Variants in OTOG observed in about 807,000 individuals in gnomAD.
OTOG encodes otogelin.
In OTOG, 296 loss-of-function variants were observed where a neutral mutation model predicts 313.8. The observed-to-expected ratio is 0.94, with a 90% confidence interval of 0.86 to 1.04. The LOEUF is 1.04. Among genes scored for constraint, OTOG ranks in the 50% least tolerant of loss-of-function variants. OTOG has a pLI of 0.00. For missense variants in OTOG, 3,948 were observed against 3,840.1 expected (o/e 1.03, Z -0.74); for synonymous variants, 1,533 against 1,554.9 (o/e 0.99, Z 0.33).
chr11:17,610,968 G>A lies in OTOG; in HGVS notation c.5668G>A (p.Val1890Met), dbSNP rs1490743815. The A allele has an allele frequency of 1.1e-5, 17 of 1,550,498 alleles. No individual in the cohort carries two copies. The highest frequency in any genetic ancestry group is 1.5e-5 in the Non-Finnish European group (17 of 1,147,032). Reference protein sequence around the residue: ...ATLPTSGVLPVAEGTASMVSV... With the variant: ...ATLPTSGVLPMAEGTASMVSV... ...ATTGCCAACCTCTGGAGTCCTGCCT[G>A]TGGCTGAGGGCACGGCCTCCATGGT... The change falls in exon 36 of 56, where the codon GTG becomes ATG. Residue 1890 changes from valine to methionine, a missense_variant. By Grantham distance (21) the Val-to-Met change is conservative. Transcript: ENST00000399397.
At chr11:17,636,581 C>T (rs764977636) in intron 47 of OTOG, among the ~76,000 whole-genome samples, 7 of 152,174 alleles carry the variant, frequency 4.6e-5, no homozygotes, top group Non-Finnish European at 1.0e-4. Context: ...GCCCAGATGA[C>T]CTGGCCGCAC....
chr11:17,644,157 G>A (rs1307586623), intron 54 of OTOG, among the ~76,000 whole-genome samples: 1 of 152,252 alleles, frequency 6.6e-6, no homozygotes, highest in African/African-American at 2.4e-5. Flanking sequence ...GTATCCCCTG[G>A]GCTTGCATGG....
intron 22 of OTOG, 43 bp downstream of exon 22, chr11:17,576,954 A>C (rs1180743073): frequency 6.5e-7 from 1 of 1,533,242 alleles, no homozygotes; most frequent in South Asian, 1.2e-5. Flanking sequence ...GGGGCTCCAC[A>C]TGGTAAAGGA....
In OTOG at chr11:17,645,272, T is replaced by G. The variant is rs557082828; in HGVS notation, c.8462-292T>G. 1.6e-4 allele frequency among the ~76,000 whole-genome samples: 24 copies of G among 152,322 alleles called. No homozygotes were observed. The East Asian group carries it at 3.3e-3, about 21-fold the overall frequency. On this transcript the variant is annotated intron_variant, in intron 54 of 55. Transcript: ENST00000399397. Reference sequence around the variant, plus strand: ...TTAGGGCTGGGGTGGGGAGGCAGCCTCACTCTGTCCCCAGATGCTTCTCTG... The same window carrying G: ...TTAGGGCTGGGGTGGGGAGGCAGCCGCACTCTGTCCCCAGATGCTTCTCTG...
In OTOG at chr11:17,569,263, C is replaced by CAAGA. The variant is rs779460256; in HGVS notation, c.1753_1756dup (p.Ile586LysfsTer9). ...GGGATGTCCTTCTGTTTGACCAGTACAAGATCATCCCGCCATACACAGATG... is the reference window on the plus strand; with the variant it reads ...GGGATGTCCTTCTGTTTGACCAGTACAAGAAAGATCATCCCGCCATACACAGATG... On this transcript the variant is annotated frameshift_variant, in exon 16 of 56. Coordinates refer to ENST00000399397, the MANE Select transcript of OTOG (RefSeq NM_001292063.2). LOFTEE classifies it high-confidence loss of function. The CAAGA allele has an allele frequency of 1.3e-6, 2 of 1,550,578 alleles. No individual in the cohort carries two copies. Among genetic ancestry groups the CAAGA allele is most frequent in the South Asian group, 2.4e-5 (2 of 84,058 alleles).
At chr11:17,622,382 TTATA>T (rs1853886217) in intron 39 of OTOG, among the ~76,000 whole-genome samples, 1 of 152,220 alleles carries the variant, frequency 6.6e-6, no homozygotes, top group Admixed American at 6.5e-5. Flanking sequence ...AACAATCTAA[TTATA>T]TACTCATTTA....
intron 7 of OTOG, 30 bp from the exon 8 acceptor site, chr11:17,557,088 T>C: frequency 1.3e-6 from 2 of 1,543,510 alleles, no homozygotes; most frequent in Non-Finnish European, 1.7e-6. Flanking sequence ...GTGTTGTGGA[T>C]ACCCTGAAGC....
intron 47 of OTOG, among the ~76,000 whole-genome samples, chr11:17,637,453 T>A (rs148790903): frequency 3.3e-5 from 5 of 152,122 alleles, no homozygotes; most frequent in Non-Finnish European, 7.4e-5. Context: ...CTGCAGAGAG[T>A]TCCCGCTTCT....
chr11:17,639,154 A>G (rs747298461), intron 48 of OTOG, among the ~76,000 whole-genome samples: 1 of 152,212 alleles, frequency 6.6e-6, no homozygotes, highest in Non-Finnish European at 1.5e-5. Context: ...CCATCTGCCT[A>G]TTTATCCTTG....
At chr11:17,588,863 TTCTG>T (rs375814971) in intron 24 of OTOG, among the ~76,000 whole-genome samples, 55 of 152,132 alleles carry the variant, frequency 3.6e-4, no homozygotes, top group African/African-American at 1.2e-3. Context: ...TCACCTCACC[TTCTG>T]TCTTTCTACT....
intron 39 of OTOG, among the ~76,000 whole-genome samples, chr11:17,623,223 T>C (rs1853906766): frequency 1.3e-5 from 2 of 152,174 alleles, no homozygotes; most frequent in Admixed American, 6.5e-5. Flanking sequence ...CAGGAGTTTG[T>C]TGTACAGATT....
intron 28 of OTOG, among the ~76,000 whole-genome samples, chr11:17,595,277 C>A (rs79334902): frequency 0.012 from 1,837 of 152,300 alleles, 25 homozygotes; most frequent in African/African-American, 0.04. Context: ...TCTCCCCACA[C>A]CCCCATGTAC....
Position 17,574,173 on chromosome 11 carries a change from T to G in OTOG, c.2294-547T>G, listed in dbSNP as rs563889609. ...CTGGATCCCACAGAGTGTAGGAGAC[T>G]CTGGGGGGAGTGGGATGCTGGCCAC... is the stretch of plus-strand genomic sequence containing the variant. On this transcript the variant is annotated intron_variant, in intron 19 of 55. Coordinates refer to ENST00000399397, the MANE Select transcript of OTOG (RefSeq NM_001292063.2). Among the ~76,000 whole-genome samples the G allele has an allele frequency of 2.4e-4, 36 of 152,228 alleles. No individual in the cohort carries two copies. In the East Asian group the frequency reaches 6.8e-3, roughly 29 times the overall value.
intron 49 of OTOG, 32 bp from the exon 50 acceptor site, chr11:17,640,688 TCCTGAGGGCCAGGCTGGCCCCCAAC>T: frequency 6.6e-7 from 1 of 1,513,466 alleles, no homozygotes; most frequent in Non-Finnish European, 8.9e-7. Flanking sequence ...GGCAGACTGC[TCCTGAGGGCCAGGCTGGCCCCCAAC>T]CCAGGGTGCT....
chr11:17,576,888 T>A lies in OTOG; in HGVS notation c.2582T>A (p.Met861Lys). 1 of 1,549,526 alleles carries A rather than the reference T, an allele frequency of 6.5e-7. No individual in the cohort carries two copies. Among genetic ancestry groups the A allele is most frequent in the Non-Finnish European group, 8.7e-7 (1 of 1,146,122 alleles). ...TGCAGCCACTGCAAAGATGGAGTCA[T>A]GAGCTGTGATAGCAGAGCCCCAGGT... ...LGHCHCKDGV[M>K]SCDSRAPAAA... Residue 861 changes from methionine (M) to lysine (K), a missense_variant, in exon 22 of 56, where the codon ATG becomes AAG. Transcript: ENST00000399397.
At chr11:17,635,747 G>A in intron 47 of OTOG, 36 bp downstream of exon 47, 1 of 1,510,136 alleles carries the variant, frequency 6.6e-7, no homozygotes, top group South Asian at 1.2e-5. Flanking sequence ...GGCTGCGGCA[G>A]GAAGGGGCCC....
At chr11:17,569,325 CTG>C in intron 16 of OTOG, 37 bp downstream of exon 16, 1 of 1,549,338 alleles carries the variant, frequency 6.5e-7, no homozygotes, top group Non-Finnish European at 8.7e-7. Flanking sequence ...TAGTTGGGAA[CTG>C]AGGGTTTGGA....
chr11:17,565,316 A>T (rs1174458094), intron 15 of OTOG, among the ~76,000 whole-genome samples: 1 of 151,954 alleles, frequency 6.6e-6, no homozygotes, highest in African/African-American at 2.4e-5. Flanking sequence ...TCTTTTTCTC[A>T]TGGTTTGACT....
chr11:17,575,975 C>G lies in OTOG; in HGVS notation c.2487-581C>G, dbSNP rs563943037. On this transcript the variant is annotated intron_variant, in intron 20 of 55. Coordinates refer to ENST00000399397, the MANE Select transcript of OTOG (RefSeq NM_001292063.2). ...GGAGCTGTGTGAGGAGGAAACATAGCCTTTGCCCTTAGATGACCTGCACAA... is the reference window on the plus strand; with the variant it reads ...GGAGCTGTGTGAGGAGGAAACATAGGCTTTGCCCTTAGATGACCTGCACAA... 3.9e-5 allele frequency among the ~76,000 whole-genome samples: 6 copies of G among 152,300 alleles called. No individual in the cohort carries two copies. The East Asian group carries it at 7.7e-4, about 20-fold the overall frequency.
Sources: allele counts gnomAD v4.1 joint callset (sites outside exome capture counted in the v4.1 genomes callset), GRCh38; gene constraint gnomAD v4.1.1; transcripts MANE v1.5; gene names NCBI Gene and HGNC (gene_info 2026-07-23, HGNC 2026-07-21).